C10orf71: variants seen among roughly 807,000 people sequenced by gnomAD.
The protein encoded by C10orf71 is chromosome 10 open reading frame 71.
For missense variants in C10orf71, 1,869 were observed against 1,804.5 expected (o/e 1.04, Z -0.65); for synonymous variants, 758 against 726.3 (o/e 1.04, Z -0.70).
At position 49,326,400 on chromosome 10, in the gene C10orf71, C is replaced by T; in HGVS notation, c.3855C>T (p.Tyr1285=). 1.3e-6 allele frequency: 2 copies of T among 1,550,588 alleles called. No individual in the cohort carries two copies. The highest frequency in any genetic ancestry group is 1.7e-6 in the Non-Finnish European group (2 of 1,146,918). Residue 1285 remains tyrosine, a synonymous_variant, in exon 3 of 3, where the codon TAC becomes TAT. Transcript: ENST00000374144. ...KVLQDPQSGE[Y]FVFDLPLQVK... ...TCCAGGATCCGCAGTCCGGGGAGTA[C>T]TTTGTCTTCGACTTGCCACTCCAGG...
Position 49,308,389 on chromosome 10 carries a change from G to A in C10orf71, c.-247-7756G>A, listed in dbSNP as rs1848853570. ...CCAGGGCACAGTGGCCTCAGAGTCA[G>A]TTTGAGAGCCTTTGGCTTTCCCAGG... On this transcript the variant is annotated intron_variant, in intron 1 of 2. Transcript: ENST00000374144. 2.6e-5 allele frequency among the ~76,000 whole-genome samples: 4 copies of A among 152,216 alleles called. No homozygotes were observed. In the South Asian group the frequency reaches 8.3e-4, roughly 31 times the overall value.
rs1849239393 is a variant in C10orf71, at chr10:49,326,188, G to C, written c.3643G>C (p.Glu1215Gln). Residue 1215 changes from glutamate (E) to glutamine (Q), a missense_variant, in exon 3 of 3, where the codon GAG becomes CAG. Coordinates refer to ENST00000374144, the MANE Select transcript of C10orf71 (RefSeq NM_001135196.2). ...GGGAAAGCCCTGCCCGGAGGACTTG[G>C]AGCAGACACAGCAAAGGCCGCTGTG... Reference protein sequence around the residue: ...QEGKPCPEDLEQTQQRPLCPR... With the variant: ...QEGKPCPEDLQQTQQRPLCPR... 5 of 1,551,404 alleles carry C rather than the reference G, an allele frequency of 3.2e-6. No homozygotes were observed. The highest frequency in any genetic ancestry group is 4.4e-6 in the Non-Finnish European group (5 of 1,146,984).
In C10orf71 at chr10:49,326,111, G is replaced by A; in HGVS notation, c.3566G>A (p.Ser1189Asn). The A allele has an allele frequency of 6.4e-7, 1 of 1,551,716 alleles. No homozygotes were observed. The highest frequency in any genetic ancestry group is 1.7e-4 in the Middle Eastern group (1 of 5,992). The change falls in exon 3 of 3, where the codon AGT (serine) becomes AAT (asparagine). Residue 1189 changes from serine to asparagine, a missense_variant. Transcript: ENST00000374144. Reference sequence around the variant, plus strand: ...CTGCGGCGGGCAAAGAAGCTGGCAAGTAAGAGGAGGAAGACGGATCAGGCT... The same window carrying A: ...CTGCGGCGGGCAAAGAAGCTGGCAAATAAGAGGAGGAAGACGGATCAGGCT... ...KALRRAKKLA[S>N]KRRKTDQAQE...
At chr10:49,316,029 C>G (rs1848994253) in intron 1 of C10orf71, 116 bp from the exon 2 acceptor site, 1 of 152,222 alleles carries the variant, frequency 6.6e-6, no homozygotes, top group Non-Finnish European at 1.5e-5. Context: ...GCGCTCCAAC[C>G]TGGGCAATAG....
chr10:49,322,612 G>A lies in C10orf71; in HGVS notation c.67G>A (p.Asp23Asn), dbSNP rs1849115080. 1 of 1,613,010 alleles carries A rather than the reference G, an allele frequency of 6.2e-7. No individual in the cohort carries two copies. The stretch of plus-strand genomic sequence containing the variant: ...CTCCTCCAGCATCGGCAGCGTGTTG[G>A]ATGATGCAGACAGGGAGGTGAGCAG... ...SDSSSIGSVLDDADREVSSLT... is the reference protein window; with the variant it reads ...SDSSSIGSVLNDADREVSSLT... The change falls in exon 3 of 3, where the codon GAT becomes AAT. Residue 23 changes from aspartate to asparagine, a missense_variant. Physicochemically the swap from Asp to Asn is conservative, Grantham distance 23 (BLOSUM62 1). Coordinates refer to ENST00000374144, the MANE Select transcript of C10orf71 (RefSeq NM_001135196.2).
In C10orf71 at chr10:49,323,504, G is replaced by T. The variant is rs56206226; in HGVS notation, c.959G>T (p.Arg320Leu). The change falls in exon 3 of 3, where the codon CGC becomes CTC. Residue 320 changes from arginine (R) to leucine (L), a missense_variant. Transcript: ENST00000374144. Reference protein sequence around the residue: ...TLLREPCPPERTVSPCQVQAS... With the variant: ...TLLREPCPPELTVSPCQVQAS... ...CTAAGAGAACCCTGTCCTCCTGAGCGCACAGTCTCTCCCTGCCAGGTCCAG... is the reference window on the plus strand; with the variant it reads ...CTAAGAGAACCCTGTCCTCCTGAGCTCACAGTCTCTCCCTGCCAGGTCCAG... 0.17 allele frequency: 277,140 copies of T among 1,612,600 alleles called. 25,818 individuals carry two copies. The highest frequency in any genetic ancestry group is 0.34 in the East Asian group (15,447 of 44,830).
chr10:49,324,988 G>A lies in C10orf71; in HGVS notation c.2443G>A (p.Ala815Thr). 4 of 1,551,212 alleles carry A rather than the reference G, an allele frequency of 2.6e-6. No homozygotes were observed. The highest frequency in any genetic ancestry group is 2.4e-5 in the South Asian group (2 of 84,022). ...TGTGTCTGGAGGAAGAACCAGGAAG[G>A]CATCAGCAGAGGAAGCTAATTTCAG... ...ESVSGGRTRK[A>T]SAEEANFRGS... is the part of the protein sequence containing the mutation. The change falls in exon 3 of 3, where the codon GCA (alanine) becomes ACA (threonine). Residue 815 changes from alanine to threonine, a missense_variant. Ala to Thr is a moderately conservative substitution (Grantham distance 58). Transcript: ENST00000374144.
chr10:49,298,948 C>T (rs1181826850), upstream of C10orf71: 1 of 152,180 alleles, frequency 6.6e-6, no homozygotes, highest in Admixed American at 6.5e-5. Context: ...AAATGTTTTC[C>T]TTCCCACCTC....
At chr10:49,321,095 C>T (rs1202073969) in intron 2 of C10orf71, among the ~76,000 whole-genome samples, 3 of 151,732 alleles carry the variant, frequency 2.0e-5, no homozygotes, top group African/African-American at 7.3e-5. Context: ...TAATATCTAT[C>T]CTCAGCAAAT....
At chr10:49,317,580 G>A (rs1257701488) in intron 2 of C10orf71, among the ~76,000 whole-genome samples, 1 of 152,218 alleles carries the variant, frequency 6.6e-6, no homozygotes, top group Non-Finnish European at 1.5e-5. Context: ...GCAGAGCGCA[G>A]TGGCTTATGA....
Position 49,323,625 on chromosome 10 carries a change from T to C in C10orf71, c.1080T>C (p.Ala360=). The part of the protein sequence containing the change: ...GCRDPGAQVF[A]VEGKAPSSQP... ...GGGATCCAGGAGCCCAGGTATTTGC[T>C]GTGGAAGGAAAAGCTCCCAGCTCAC... Residue 360 remains alanine, a synonymous_variant, in exon 3 of 3, where the codon GCT becomes GCC. Transcript: ENST00000374144. 1 of 1,604,494 alleles carries C rather than the reference T, an allele frequency of 6.2e-7. No individual in the cohort carries two copies. Among genetic ancestry groups the C allele is most frequent in the Non-Finnish European group, 8.5e-7 (1 of 1,176,812 alleles).
intron 2 of C10orf71, among the ~76,000 whole-genome samples, chr10:49,318,533 T>A (rs919828409): frequency 6.6e-5 from 10 of 152,216 alleles, no homozygotes; most frequent in Non-Finnish European, 1.3e-4. Flanking sequence ...GCTCATTCAG[T>A]CCACTAGAAC....
chr10:49,319,941 A>G (rs1849066854), intron 2 of C10orf71, among the ~76,000 whole-genome samples: 1 of 152,052 alleles, frequency 6.6e-6, no homozygotes, highest in Non-Finnish European at 1.5e-5. Context: ...GGAGTCATCA[A>G]ATTCATAAAG....
intron 1 of C10orf71, among the ~76,000 whole-genome samples, chr10:49,308,152 C>A (rs1258728206): frequency 6.6e-6 from 1 of 152,228 alleles, no homozygotes; most frequent in Non-Finnish European, 1.5e-5. Context: ...CTGCTCACAT[C>A]CAGTTCTGTG....
chr10:49,302,215 C>A (rs1357609168), intron 1 of C10orf71, among the ~76,000 whole-genome samples: 5 of 152,220 alleles, frequency 3.3e-5, no homozygotes, highest in African/African-American at 4.8e-5. Flanking sequence ...TCTGGCACCA[C>A]TGAGCCTGCC....
chr10:49,315,638 A>C (rs1421965892), intron 1 of C10orf71, among the ~76,000 whole-genome samples: 2 of 152,276 alleles, frequency 1.3e-5, no homozygotes, highest in African/African-American at 4.8e-5. Context: ...AAATTAATGC[A>C]TATTAGAAGG....
In C10orf71 at chr10:49,324,861, T is replaced by TTC; in HGVS notation, c.2316_2317insTC (p.Val773SerfsTer2). On this transcript the variant is annotated frameshift_variant, in exon 3 of 3. Coordinates refer to ENST00000374144, the MANE Select transcript of C10orf71 (RefSeq NM_001135196.2). LOFTEE classifies it low-confidence loss of function (END_TRUNC). ...ACAGTCAGAAGGATGAGAAGGAGAA[T>TTC]GTGATGCGGAAGGATGAGCTGCAGT... 1 of 1,551,798 alleles carries TTC rather than the reference T, an allele frequency of 6.4e-7. No individual in the cohort carries two copies. Among genetic ancestry groups the TTC allele is most frequent in the Non-Finnish European group, 8.7e-7 (1 of 1,147,000 alleles).
In C10orf71 at chr10:49,324,661, G is replaced by C. The variant is rs1259202693; in HGVS notation, c.2116G>C (p.Glu706Gln). 38 of 1,613,042 alleles carry C rather than the reference G, an allele frequency of 2.4e-5. No individual in the cohort carries two copies. Among genetic ancestry groups the C allele is most frequent in the Non-Finnish European group, 3.1e-5 (36 of 1,179,578 alleles). The change falls in exon 3 of 3, where the codon GAG becomes CAG. Residue 706 changes from glutamate (E) to glutamine (Q), a missense_variant. Coordinates refer to ENST00000374144, the MANE Select transcript of C10orf71 (RefSeq NM_001135196.2). ...CTTCCCAGGGCCCCTCTCTCCTGAG[G>C]AGGAAGATGTGTTTTACAGTGACAG... ...KFFPGPLSPE[E>Q]EDVFYSDSQS... is the part of the protein sequence containing the mutation.
At chr10:49,300,217 T>C (rs1848702505) in intron 1 of C10orf71, among the ~76,000 whole-genome samples, 1 of 152,128 alleles carries the variant, frequency 6.6e-6, no homozygotes, top group African/African-American at 2.4e-5. Flanking sequence ...AGCATTTGAG[T>C]TCCCTTTGCA....
Sources: gnomAD v4.1 joint callset for allele counts (sites outside exome capture counted in the v4.1 genomes callset) on GRCh38, gnomAD v4.1.1 for gene constraint, MANE v1.5 for transcripts, NCBI Gene and HGNC (gene_info 2026-07-23, HGNC 2026-07-21) for gene names.